ASTN2: variants seen among roughly 807,000 people sequenced by gnomAD.
ASTN2 encodes the protein astrotactin-2.
Under a neutral mutation model 139.8 loss-of-function variants are expected in ASTN2, and 54 were observed. The ratio of observed to expected loss-of-function variants is 0.39; its 90% CI spans 0.31 to 0.48. The LOEUF (loss-of-function observed/expected upper bound fraction) is 0.48, where lower values mean the gene tolerates loss of function less well. Ranked by LOEUF, ASTN2 falls within the 20% of genes least tolerant of loss-of-function variation. The pLI is 0.95. For missense variants in ASTN2, 1,565 were observed against 1,725.1 expected (o/e 0.91, Z 1.64); for synonymous variants, 756 against 719.5 (o/e 1.05, Z -0.81).
chr9:116,540,984 A>AGTTTCCCCT (rs1485321672), intron 19 of ASTN2, among the ~76,000 whole-genome samples: 1 of 151,842 alleles, frequency 6.6e-6, no homozygotes, highest in East Asian at 1.9e-4. Flanking sequence ...CTAGGGGAAA[A>AGTTTCCCCT]AGTTTGAATG....
At chr9:117,075,485 A>C (rs1190243727) in intron 5 of ASTN2, among the ~76,000 whole-genome samples, 1 of 133,696 alleles carries the variant, frequency 7.5e-6, no homozygotes, top group Non-Finnish European at 1.6e-5. Context: ...TGGTGGGCAG[A>C]TGGAGGGGAA....
intron 10 of ASTN2, among the ~76,000 whole-genome samples, chr9:116,882,189 T>G (rs948632046): frequency 6.6e-6 from 1 of 152,200 alleles, no homozygotes; most frequent in Non-Finnish European, 1.5e-5. Context: ...CCATAGCTTC[T>G]GTACCCAACA....
At chr9:117,268,559 A>G (rs1833988550) in intron 2 of ASTN2, among the ~76,000 whole-genome samples, 1 of 152,182 alleles carries the variant, frequency 6.6e-6, no homozygotes, top group Admixed American at 6.5e-5. Context: ...GTATTCCCTG[A>G]ATACATGACT....
At chr9:117,385,084 ATTC>A (rs1830363114) in intron 1 of ASTN2, among the ~76,000 whole-genome samples, 1 of 152,154 alleles carries the variant, frequency 6.6e-6, no homozygotes, top group Admixed American at 6.5e-5. Flanking sequence ...TGCTTTCTGG[ATTC>A]TTCACTTCAG....
intron 3 of ASTN2, among the ~76,000 whole-genome samples, chr9:117,191,896 G>T (rs1406237863): frequency 6.6e-6 from 1 of 152,190 alleles, no homozygotes; most frequent in Non-Finnish European, 1.5e-5. Flanking sequence ...GAGAAAGCGG[G>T]GCTCTGAGGG....
intron 4 of ASTN2, among the ~76,000 whole-genome samples, chr9:117,099,160 C>A (rs1474661125): frequency 6.6e-6 from 1 of 151,134 alleles, no homozygotes; most frequent in East Asian, 1.9e-4. Context: ...ATACATAATT[C>A]TTGGCCAAAG....
rs368399011 is a variant in ASTN2 at position 116,491,211 on chromosome 9, G to T, written c.3356-3711C>A. Among the ~76,000 whole-genome samples the T allele has an allele frequency of 5.3e-5, 8 of 152,280 alleles. No individual in the cohort carries two copies. In the South Asian group the frequency reaches 1.5e-3, roughly 28 times the overall value. On this transcript the variant is annotated intron_variant, in intron 19 of 22. Transcript: ENST00000313400. ...AATATAATCATCTTCAAATGAGAAA[G>T]TTAAAAGGAAGGCAACTGACATCTA... is the stretch of plus-strand genomic sequence containing the variant.
At chr9:116,467,705 C>A (rs1176275358) in intron 20 of ASTN2, among the ~76,000 whole-genome samples, 1 of 152,160 alleles carries the variant, frequency 6.6e-6, no homozygotes, top group Non-Finnish European at 1.5e-5. Flanking sequence ...TCCGTTGCCT[C>A]CAAGAGTCTA....
chr9:116,832,389 C>T (rs1026777826), intron 11 of ASTN2, among the ~76,000 whole-genome samples: 6 of 151,946 alleles, frequency 3.9e-5, no homozygotes, highest in Non-Finnish European at 8.8e-5. Flanking sequence ...GGACTTCCCA[C>T]ACGATGTTGA....
intron 1 of ASTN2, among the ~76,000 whole-genome samples, chr9:117,364,796 G>A (rs1311108915): frequency 6.6e-6 from 1 of 151,948 alleles, no homozygotes; most frequent in East Asian, 1.9e-4. Context: ...CAATAAATAA[G>A]AAAAGAGGCA....
At chr9:116,684,808 G>A (rs983995215) in intron 16 of ASTN2, among the ~76,000 whole-genome samples, 1 of 152,188 alleles carries the variant, frequency 6.6e-6, no homozygotes, top group African/African-American at 2.4e-5. Context: ...CAAAGTGATG[G>A]ACTGAAACTG....
At chr9:116,467,873 TC>T (rs1327244579) in intron 20 of ASTN2, among the ~76,000 whole-genome samples, 1 of 152,192 alleles carries the variant, frequency 6.6e-6, no homozygotes, top group Non-Finnish European at 1.5e-5. Flanking sequence ...TGAACTCTTT[TC>T]CCAGAATGAA....
At chr9:117,039,542 C>T (rs1256794652) in intron 6 of ASTN2, among the ~76,000 whole-genome samples, 1 of 151,950 alleles carries the variant, frequency 6.6e-6, no homozygotes, top group Non-Finnish European at 1.5e-5. Context: ...CACATGTATA[C>T]CTGTGCAACA....
At chr9:116,847,773 G>A (rs1832483831) in intron 11 of ASTN2, among the ~76,000 whole-genome samples, 1 of 152,128 alleles carries the variant, frequency 6.6e-6, no homozygotes, top group Admixed American at 6.5e-5. Flanking sequence ...GCCACACTAC[G>A]CTGCCTTTTA....
chr9:116,544,943 A>T (rs1852028635), intron 19 of ASTN2, among the ~76,000 whole-genome samples: 1 of 152,100 alleles, frequency 6.6e-6, no homozygotes, highest in African/African-American at 2.4e-5. Flanking sequence ...GAGCCAGAAG[A>T]CCCTTGGTGA....
intron 12 of ASTN2, 47 bp downstream of exon 12, chr9:116,820,570 C>G (rs1181243828): frequency 1.9e-6 from 3 of 1,589,608 alleles, no homozygotes; most frequent in African/African-American, 1.3e-5. Context: ...CCATGCATCC[C>G]TCACTTCTGT....
At chr9:116,478,491 C>T (rs1849064199) in intron 20 of ASTN2, among the ~76,000 whole-genome samples, 1 of 152,112 alleles carries the variant, frequency 6.6e-6, no homozygotes, top group Non-Finnish European at 1.5e-5. Context: ...TTCCTCTTTG[C>T]TCCCTTCTCA....
At chr9:116,914,227 A>G (rs562165609) in intron 10 of ASTN2, among the ~76,000 whole-genome samples, 9 of 152,122 alleles carry the variant, frequency 5.9e-5, no homozygotes, top group Middle Eastern at 3.4e-3. Flanking sequence ...CAAAGGCTGC[A>G]ATCAGGTTCA....
At chr9:116,550,320 C>T (rs1852286065) in intron 19 of ASTN2, among the ~76,000 whole-genome samples, 1 of 152,172 alleles carries the variant, frequency 6.6e-6, no homozygotes, top group African/African-American at 2.4e-5. Flanking sequence ...TCTTCATCTG[C>T]AATATAAACC....
Sources: allele counts gnomAD v4.1 joint callset (sites outside exome capture counted in the v4.1 genomes callset), GRCh38; gene constraint gnomAD v4.1.1; transcripts MANE v1.5; gene names NCBI Gene and HGNC (gene_info 2026-07-23, HGNC 2026-07-21).